Variants in SEM1 observed in about 807,000 individuals in gnomAD.
SEM1 encodes 26S proteasome complex subunit SEM1.
Under a neutral mutation model 12.7 loss-of-function variants are expected in SEM1, and 3 were observed. That is an observed-to-expected ratio of 0.24 (90% CI 0.11 to 0.61). The LOEUF is 0.61. SEM1 is among the 20% of genes least tolerant of loss of function. SEM1 has a pLI of 0.88. For missense variants in SEM1, 59 were observed against 81.3 expected (o/e 0.73, Z 1.06); for synonymous variants, 30 against 27.8 (o/e 1.08, Z -0.25).
intron 2 of SEM1, among the ~76,000 whole-genome samples, chr7:96,538,808 T>G (rs2115765185): frequency 6.6e-6 from 1 of 151,866 alleles, no homozygotes. Context: ...AGAAATGCCC[T>G]TTCCTCGGCT....
At chr7:96,656,489 A>G (rs1470856484) in intron 2 of SEM1, 1 of 151,934 alleles carries the variant, frequency 6.6e-6, no homozygotes, top group African/African-American at 2.4e-5. Context: ...TTTAATCTCC[A>G]TATCCAATCC....
chr7:96,513,090 A>C (rs1332821243), intron 2 of SEM1, among the ~76,000 whole-genome samples: 1 of 152,154 alleles, frequency 6.6e-6, no homozygotes, highest in African/African-American at 2.4e-5. Flanking sequence ...GATAGGCACC[A>C]GTCCAATATA....
chr7:96,533,918 T>G (rs1188430162), intron 2 of SEM1, among the ~76,000 whole-genome samples: 16 of 152,076 alleles, frequency 1.1e-4, no homozygotes, highest in Admixed American at 1.0e-3. Context: ...AAATCCAGTG[T>G]AACTTAATAA....
intron 2 of SEM1, among the ~76,000 whole-genome samples, chr7:96,578,673 A>C (rs1462626742): frequency 9.2e-5 from 14 of 152,262 alleles, no homozygotes; most frequent in Admixed American, 9.2e-4. Context: ...CTGTATTAAC[A>C]GCAATAATGT....
At chr7:96,584,111 G>C (rs1031360731) in intron 2 of SEM1, among the ~76,000 whole-genome samples, 1 of 152,154 alleles carries the variant, frequency 6.6e-6, no homozygotes, top group African/African-American at 2.4e-5. Flanking sequence ...GGTACCAGTT[G>C]TTCCTTTCCA....
rs192729765 is a variant in SEM1, at chr7:96,525,223, T to C, written c.171-18525A>G. On this transcript the variant is annotated intron_variant and NMD_transcript_variant, in intron 2 of 3. Transcript: ENST00000466986. ...TATATAAACAATTACCCCTCCCTTTTCTTATTCTCATCATTGATCTTGTCT... is the reference window on the plus strand; with the variant it reads ...TATATAAACAATTACCCCTCCCTTTCCTTATTCTCATCATTGATCTTGTCT... 5.1e-3 allele frequency among the ~76,000 whole-genome samples: 779 copies of C among 152,052 alleles called. 5 individuals carry two copies. Among genetic ancestry groups the C allele is most frequent in the Non-Finnish European group, 6.5e-3 (444 of 67,982 alleles).
intron 2 of SEM1, among the ~76,000 whole-genome samples, chr7:96,597,629 A>G (rs867589569): frequency 6.6e-6 from 1 of 151,754 alleles, no homozygotes; most frequent in African/African-American, 2.4e-5. Context: ...GTTTTGGTTT[A>G]GTGAAGAACT....
intron 2 of SEM1, among the ~76,000 whole-genome samples, chr7:96,538,974 A>G (rs1804871298): frequency 6.6e-6 from 1 of 151,872 alleles, no homozygotes; most frequent in Non-Finnish European, 1.5e-5. Flanking sequence ...TGCTATAAAT[A>G]AAATCCATGA....
chr7:96,592,944 T>A (rs747001308), intron 2 of SEM1, among the ~76,000 whole-genome samples: 3 of 148,238 alleles, frequency 2.0e-5, no homozygotes, highest in Non-Finnish European at 4.4e-5. Flanking sequence ...CATATTACCG[T>A]CCTTGAAGCT....
At chr7:96,576,335 C>G (rs1029427299) in intron 2 of SEM1, among the ~76,000 whole-genome samples, 11 of 152,070 alleles carry the variant, frequency 7.2e-5, no homozygotes, top group Admixed American at 6.6e-4. Flanking sequence ...TTTCATTCTG[C>G]CATCATATCT....
chr7:96,693,388 A>C (rs1448510017), intron 2 of SEM1, among the ~76,000 whole-genome samples: 1 of 152,050 alleles, frequency 6.6e-6, no homozygotes, highest in Non-Finnish European at 1.5e-5. Flanking sequence ...TATGCAGAAG[A>C]ATGAGCTGAA....
rs557132075 is a variant in SEM1, at chr7:96,633,886, A to G, written c.171-11243T>C. Among the ~76,000 whole-genome samples, 23 of 152,284 alleles carry G rather than the reference A, an allele frequency of 1.5e-4. 2 individuals are homozygous for G. In the South Asian group the frequency reaches 4.6e-3, roughly 30 times the overall value. On this transcript the variant is annotated intron_variant, in intron 2 of 2. Coordinates refer to the SEM1 transcript ENST00000417009. ...GATATAATAGACTGCCTAGAAAATT[A>G]AAGAAAATTAGTTGAAGATCTGCTA...
At chr7:96,542,783 G>A (rs1804995059) in intron 2 of SEM1, among the ~76,000 whole-genome samples, 1 of 151,430 alleles carries the variant, frequency 6.6e-6, no homozygotes, top group Non-Finnish European at 1.5e-5. Flanking sequence ...AAATTTTGGG[G>A]GAAATATGAA....
intron 2 of SEM1, among the ~76,000 whole-genome samples, chr7:96,518,392 AG>A (rs1405025919): frequency 1.3e-5 from 2 of 152,160 alleles, no homozygotes; most frequent in African/African-American, 4.8e-5. Flanking sequence ...TGAGTGAAAG[AG>A]CGATGAGTAT....
intron 2 of SEM1, among the ~76,000 whole-genome samples, chr7:96,628,654 C>T (rs576281693): frequency 1.3e-5 from 2 of 152,238 alleles, no homozygotes; most frequent in East Asian, 1.9e-4. Context: ...CATCTTTCTA[C>T]TTAAGGCATG....
intron 2 of SEM1, among the ~76,000 whole-genome samples, chr7:96,628,385 CT>C (rs747524380): frequency 3.6e-4 from 55 of 152,016 alleles, no homozygotes; most frequent in Non-Finnish European, 6.6e-4. Context: ...TAGTTTCTTG[CT>C]TTTTATTTTT....
downstream of SEM1, among the ~76,000 whole-genome samples, chr7:96,685,443 T>G (rs544079684): frequency 1.3e-4 from 19 of 150,074 alleles, no homozygotes; most frequent in South Asian, 4.0e-3. Context: ...ACTTCATTTT[T>G]TCTGTGTAGC....
intron 2 of SEM1, among the ~76,000 whole-genome samples, chr7:96,660,330 T>C (rs561238175): frequency 1.3e-5 from 2 of 152,272 alleles, no homozygotes; most frequent in Non-Finnish European, 2.9e-5. Context: ...CAGATACAAA[T>C]GGACAAATCC....
chr7:96,698,957 G>A (rs1388336287), intron 1 of SEM1, among the ~76,000 whole-genome samples: 10 of 151,750 alleles, frequency 6.6e-5, no homozygotes, highest in Non-Finnish European at 1.5e-4. Context: ...TTTTTCTTTC[G>A]CTTCCTGAAC....
Sources: allele counts gnomAD v4.1 joint callset (sites outside exome capture counted in the v4.1 genomes callset), GRCh38; gene constraint gnomAD v4.1.1; transcripts MANE v1.5; gene names NCBI Gene and HGNC (gene_info 2026-07-23, HGNC 2026-07-21).